Variants in PRMT7 observed in about 807,000 individuals in gnomAD.
PRMT7 encodes the protein protein arginine N-methyltransferase 7.
Under a neutral mutation model 85.4 loss-of-function variants are expected in PRMT7, and 75 were observed. The ratio of observed to expected loss-of-function variants is 0.88; its 90% CI spans 0.73 to 1.06. PRMT7 has a LOEUF of 1.06. Among genes scored for constraint, PRMT7 ranks in the 50% least tolerant of loss-of-function variants. The pLI is 0.00. For missense variants in PRMT7, 868 were observed against 915.2 expected (o/e 0.95, Z 0.67); for synonymous variants, 397 against 359.5 (o/e 1.10, Z -1.18).
At chr16:68,322,470 T>C (rs2082610658) in intron 4 of PRMT7, 1 of 440,396 alleles carries the variant, frequency 2.3e-6, no homozygotes, top group East Asian at 7.3e-5. Flanking sequence ...AGTGCTGGGA[T>C]TATGGGCATG....
chr16:68,355,712 T>TC lies in PRMT7; in HGVS notation c.1651-10dup. 1 of 1,564,486 alleles carries TC rather than the reference T, an allele frequency of 6.4e-7. No individual in the cohort carries two copies. The highest frequency in any genetic ancestry group is 8.7e-7 in the Non-Finnish European group (1 of 1,150,482). Reference sequence around the variant, plus strand: ...TGTCTCTGCAGCCCCCAGGCCCCCTTCTGTTCGCAGCGTGCCCTGGACTTC... The same window carrying TC: ...TGTCTCTGCAGCCCCCAGGCCCCCTTCCTGTTCGCAGCGTGCCCTGGACTTC... On this transcript the variant is annotated splice_polypyrimidine_tract_variant and intron_variant, in intron 16 of 18. Coordinates refer to ENST00000441236, the MANE Select transcript of PRMT7 (RefSeq NM_019023.5).
intron 2 of PRMT7, 167 bp from the exon 3 acceptor site, chr16:68,315,730 G>A (rs2044651565): frequency 2.2e-6 from 1 of 463,998 alleles, no homozygotes; most frequent in East Asian, 4.2e-5. Flanking sequence ...TTACAATATC[G>A]ATTAACAAAT....
intron 14 of PRMT7, among the ~76,000 whole-genome samples, chr16:68,350,384 T>A (rs2087125853): frequency 1.3e-5 from 2 of 152,038 alleles, no homozygotes; most frequent in African/African-American, 4.8e-5. Flanking sequence ...TCCCCATCGG[T>A]AACATCTGAG....
chr16:68,329,257 AAT>A, intron 6 of PRMT7, 83 bp downstream of exon 6: 1 of 1,027,402 alleles, frequency 9.7e-7, no homozygotes, highest in Non-Finnish European at 1.5e-6. Context: ...ACCTGGAACA[AAT>A]CCAGGTCATA....
chr16:68,312,583 C>T (rs867349300), intron 2 of PRMT7, among the ~76,000 whole-genome samples: 1 of 152,078 alleles, frequency 6.6e-6, no homozygotes, highest in South Asian at 2.1e-4. Flanking sequence ...TGCAGTCTGA[C>T]GGCTAATACA....
intron 3 of PRMT7, among the ~76,000 whole-genome samples, chr16:68,320,704 C>T (rs891980877): frequency 6.6e-6 from 1 of 152,160 alleles, no homozygotes; most frequent in Non-Finnish European, 1.5e-5. Context: ...GATTTGGGGG[C>T]CTGTTCCCAG....
intron 6 of PRMT7, among the ~76,000 whole-genome samples, chr16:68,332,455 T>G (rs1364502728): frequency 2.0e-5 from 3 of 152,080 alleles, no homozygotes; most frequent in Admixed American, 1.3e-4. Context: ...CTTTCTGGAG[T>G]GTCTGCTGAG....
chr16:68,356,439 C>T lies in PRMT7; in HGVS notation c.1812-262C>T, dbSNP rs778584201. ...GTGCCAGGCTGTGCCTCAAGCTCCC[C>T]CAGACCCTGCAGCCACACCGGCCCT... On this transcript the variant is annotated intron_variant, in intron 17 of 18. Transcript: ENST00000441236. Among the ~76,000 whole-genome samples the T allele has an allele frequency of 8.5e-5, 13 of 152,380 alleles. No homozygotes were observed. The South Asian group carries it at 1.7e-3, about 19-fold the overall frequency.
chr16:68,353,275 A>G (rs1481871526), intron 15 of PRMT7: 14 of 986,372 alleles, frequency 1.4e-5, no homozygotes, highest in Non-Finnish European at 1.7e-5. Context: ...TGTCCCTTAT[A>G]GGAGAGGACT....
chr16:68,327,786 A>G (rs1016801112), intron 5 of PRMT7, among the ~76,000 whole-genome samples: 2 of 152,082 alleles, frequency 1.3e-5, no homozygotes, highest in Non-Finnish European at 2.9e-5. Flanking sequence ...CGCCTCTACA[A>G]AAAGTAGCTG....
chr16:68,352,646 C>T (rs2087584269), intron 15 of PRMT7: 2 of 417,500 alleles, frequency 4.8e-6, no homozygotes, highest in Non-Finnish European at 8.5e-6. Flanking sequence ...ACAATTGTGG[C>T]TTATCAGAAT....
chr16:68,348,438 A>G lies in PRMT7; in HGVS notation c.1413+7A>G. 1.2e-6 allele frequency: 2 copies of G among 1,604,754 alleles called. No individual in the cohort carries two copies. The highest frequency in any genetic ancestry group is 3.3e-4 in the Middle Eastern group (2 of 6,056). On this transcript the variant is annotated splice_region_variant and intron_variant, in intron 14 of 18. Coordinates refer to ENST00000441236, the MANE Select transcript of PRMT7 (RefSeq NM_019023.5). ...GGACCTACAGGGCAGAAAGGTGAGT[A>G]GCGGGAGCCTTTTGGCCACGCTGGG... is the stretch of plus-strand genomic sequence containing the variant.
At chr16:68,352,570 T>A in intron 15 of PRMT7, 161 bp downstream of exon 15, 1 of 597,098 alleles carries the variant, frequency 1.7e-6, no homozygotes, top group Admixed American at 3.8e-5. Flanking sequence ...GAATAGAAGA[T>A]GCTTGCCTTT....
chr16:68,345,928 G>T, intron 10 of PRMT7, 126 bp downstream of exon 10: 1 of 1,441,588 alleles, frequency 6.9e-7, no homozygotes, highest in Non-Finnish European at 9.4e-7. Context: ...TAAGAACAAA[G>T]ATTTGTGACC....
At chr16:68,339,709 A>G (rs2085233789) in intron 8 of PRMT7, 79 bp from the exon 9 acceptor site, 7 of 1,571,906 alleles carry the variant, frequency 4.5e-6, no homozygotes, top group Non-Finnish European at 6.1e-6. Context: ...TGTCATTGCC[A>G]GTGAAGTCAC....
At chr16:68,346,313 A>G (rs2086359857) in intron 11 of PRMT7, 33 bp downstream of exon 11, 2 of 1,608,596 alleles carry the variant, frequency 1.2e-6, no homozygotes, top group African/African-American at 2.7e-5. Context: ...TGTTGTGGGG[A>G]AAAGGGAGAA....
chr16:68,357,616 C>A lies in PRMT7; in HGVS notation c.*392C>A. On this transcript the variant is annotated 3_prime_UTR_variant, in exon 19 of 19. Coordinates refer to ENST00000441236, the MANE Select transcript of PRMT7 (RefSeq NM_019023.5). ...AGCAGTCCCCGTGGCGGGAGCCTGT[C>A]CTGTCTGTCTCACTCTCGAGGATCT... 5.4e-6 allele frequency: 1 copy of A among 183,498 alleles called. No homozygotes were observed. Among genetic ancestry groups the A allele is most frequent in the Non-Finnish European group, 1.1e-5 (1 of 88,548 alleles). 11.4% of individuals were successfully genotyped at this position (183,498 alleles called of 1,614,324 possible).
chr16:68,326,365 C>T (rs990636689), intron 5 of PRMT7, among the ~76,000 whole-genome samples: 2 of 152,222 alleles, frequency 1.3e-5, no homozygotes, highest in Admixed American at 1.3e-4. Context: ...CTTTTCTCAG[C>T]CTCCCAAATA....
chr16:68,326,661 A>G (rs1286118005), intron 5 of PRMT7, among the ~76,000 whole-genome samples: 1 of 152,210 alleles, frequency 6.6e-6, no homozygotes, highest in East Asian at 1.9e-4. Context: ...ATCTCTGGCA[A>G]GAGGGATTCA....
Sources: gnomAD v4.1 joint callset for allele counts (sites outside exome capture counted in the v4.1 genomes callset) on GRCh38, gnomAD v4.1.1 for gene constraint, MANE v1.5 for transcripts, NCBI Gene and HGNC (gene_info 2026-07-23, HGNC 2026-07-21) for gene names.